COBL: variants seen among roughly 807,000 people sequenced by gnomAD.
COBL encodes the protein cordon-bleu WH2 repeat protein, also known as protein cordon-bleu.
In COBL, 51 loss-of-function variants were observed where a neutral mutation model predicts 98.8. That is an observed-to-expected ratio of 0.52 (90% CI 0.41 to 0.65). The LOEUF (loss-of-function observed/expected upper bound fraction) is 0.65, where lower values mean the gene tolerates loss of function less well. Among genes scored for constraint, COBL ranks in the 30% least tolerant of loss-of-function variants. COBL has a pLI of 0.00. For missense variants in COBL, 1,617 were observed against 1,617.5 expected, an observed-to-expected ratio of 1.00 and a Z score of 0.01; for synonymous variants, 634 against 651.7, an observed-to-expected ratio of 0.97 and a Z score of 0.41.
At chr7:51,084,263 C>T (rs1323226268) in intron 7 of COBL, among the ~76,000 whole-genome samples, 1 of 152,128 alleles carries the variant, frequency 6.6e-6, no homozygotes, top group African/African-American at 2.4e-5. Flanking sequence ...GACTTTCCCT[C>T]CTGCAGCTGC....
At position 51,026,654 on chromosome 7, in the gene COBL, G is replaced by A. The variant is rs1342837007; in HGVS notation, c.3396C>T (p.His1132=). ...GKDRLRKTAE[H]TGEGRPAKLS... is the part of the protein sequence containing the mutation. Reference sequence around the variant, plus strand: ...GTTTCGCTGGCCTGCCCTCCCCGGTGTGTTCTGCCGTCTAGAATATTAACA... The same window carrying A: ...GTTTCGCTGGCCTGCCCTCCCCGGTATGTTCTGCCGTCTAGAATATTAACA... Residue 1132 remains histidine (H), a synonymous_variant, in exon 11 of 13, where the codon CAC becomes CAT. Coordinates refer to ENST00000265136, the MANE Select transcript of COBL (RefSeq NM_015198.5). The A allele has an allele frequency of 1.9e-6, 3 of 1,613,882 alleles. No homozygotes were observed. Among genetic ancestry groups the A allele is most frequent in the Non-Finnish European group, 2.5e-6 (3 of 1,179,904 alleles).
chr7:51,064,801 C>A, intron 7 of COBL: 1 of 227,974 alleles, frequency 4.4e-6, no homozygotes, highest in Non-Finnish European at 8.5e-6. Flanking sequence ...GATGCTGCAG[C>A]TTATTCAAAC....
At chr7:51,246,959 C>CA (rs1194242468) in intron 1 of COBL, among the ~76,000 whole-genome samples, 1 of 152,254 alleles carries the variant, frequency 6.6e-6, no homozygotes, top group Non-Finnish European at 1.5e-5. Context: ...TAGAGCCCAG[C>CA]ACGCCCCAGT....
At chr7:51,158,384 G>A (rs1182625065) in intron 5 of COBL, among the ~76,000 whole-genome samples, 1 of 152,212 alleles carries the variant, frequency 6.6e-6, no homozygotes, top group Non-Finnish European at 1.5e-5. Context: ...CAGGGTCGGG[G>A]AGGAGCCTCC....
chr7:51,196,542 C>CTTTA lies in COBL; in HGVS notation c.246-2957_246-2954dup, dbSNP rs565080405. Among the ~76,000 whole-genome samples the CTTTA allele has an allele frequency of 4.1e-3, 627 of 151,938 alleles. 4 individuals carry two copies. The highest frequency in any genetic ancestry group is 0.014 in the African/African-American group (571 of 41,472). On this transcript the variant is annotated intron_variant, in intron 2 of 12. Transcript: ENST00000265136. ...AATGAGTTAGAGAGGAGTCCTTCCT[C>CTTTA]TTTATTTATTTATTTATTTATTTGG...
chr7:51,275,047 AG>A (rs1200549400), intron 1 of COBL, among the ~76,000 whole-genome samples: 1 of 152,222 alleles, frequency 6.6e-6, no homozygotes, highest in Non-Finnish European at 1.5e-5. Flanking sequence ...TCCATCTTCC[AG>A]GGAGACAGAG....
intron 7 of COBL, among the ~76,000 whole-genome samples, chr7:51,083,406 A>G (rs1318860939): frequency 2.0e-5 from 3 of 152,218 alleles, no homozygotes; most frequent in Non-Finnish European, 4.4e-5. Context: ...GGCACCAACC[A>G]CATCCAACCA....
At chr7:51,255,387 C>A (rs1310962649) in intron 1 of COBL, among the ~76,000 whole-genome samples, 1 of 152,176 alleles carries the variant, frequency 6.6e-6, no homozygotes. Context: ...CCTATATCTC[C>A]TCTTTATAAA....
chr7:51,224,282 A>G (rs1445019668), intron 1 of COBL, among the ~76,000 whole-genome samples: 2 of 152,212 alleles, frequency 1.3e-5, no homozygotes, highest in Non-Finnish European at 2.9e-5. Context: ...ATTGATGATG[A>G]TGATATTGAC....
intron 1 of COBL, among the ~76,000 whole-genome samples, chr7:51,288,264 T>A (rs1800556075): frequency 6.7e-6 from 1 of 149,630 alleles, no homozygotes; most frequent in Non-Finnish European, 1.5e-5. Flanking sequence ...TGAAACCTTG[T>A]CTCTACTAAA....
intron 5 of COBL, among the ~76,000 whole-genome samples, chr7:51,138,296 T>C (rs1190720894): frequency 1.3e-5 from 2 of 152,200 alleles, no homozygotes; most frequent in Non-Finnish European, 2.9e-5. Context: ...GCCATCATAG[T>C]CATTACTAAG....
chr7:51,220,999 T>C (rs1329108955), intron 1 of COBL, among the ~76,000 whole-genome samples: 1 of 152,212 alleles, frequency 6.6e-6, no homozygotes, highest in Non-Finnish European at 1.5e-5. Context: ...TTTATTGTCG[T>C]GGTAGCAGGT....
intron 8 of COBL, chr7:51,031,542 C>G (rs747955888): frequency 6.6e-6 from 1 of 152,492 alleles, no homozygotes; most frequent in Admixed American, 6.5e-5. Context: ...TTAGGAGGTC[C>G]GTGGGGAGGG....
chr7:51,021,886 T>G (rs1786973632), intron 12 of COBL, among the ~76,000 whole-genome samples: 1 of 152,204 alleles, frequency 6.6e-6, no homozygotes, highest in African/African-American at 2.4e-5. Context: ...CAGGGCAAAC[T>G]TCTAGGAAAT....
intron 8 of COBL, among the ~76,000 whole-genome samples, chr7:51,039,146 G>A (rs1170303606): frequency 6.6e-6 from 1 of 152,208 alleles, no homozygotes; most frequent in Non-Finnish European, 1.5e-5. Flanking sequence ...AGAGGAGCTT[G>A]AGGTGCCAAC....
intron 5 of COBL, among the ~76,000 whole-genome samples, chr7:51,179,153 G>A (rs1347281768): frequency 3.9e-5 from 6 of 152,120 alleles, no homozygotes; most frequent in Admixed American, 3.3e-4. Context: ...CTCCAAAAGC[G>A]GCATATTAGG....
At chr7:51,290,708 T>G (rs1338337179) in intron 1 of COBL, among the ~76,000 whole-genome samples, 1 of 152,060 alleles carries the variant, frequency 6.6e-6, no homozygotes. Context: ...AAGATTAAAC[T>G]GCTCAAATAA....
intron 1 of COBL, among the ~76,000 whole-genome samples, chr7:51,249,476 AT>A (rs1475024897): frequency 1.3e-5 from 2 of 152,160 alleles, no homozygotes; most frequent in Non-Finnish European, 2.9e-5. Flanking sequence ...GTCTTCCTAA[AT>A]CCTTCAAAGA....
At chr7:51,278,033 C>T (rs1223970708) in intron 1 of COBL, among the ~76,000 whole-genome samples, 1 of 152,178 alleles carries the variant, frequency 6.6e-6, no homozygotes. Context: ...AAATCAACAG[C>T]GGGCCCCTAG....
Sources: allele counts gnomAD v4.1 joint callset (sites outside exome capture counted in the v4.1 genomes callset), GRCh38; gene constraint gnomAD v4.1.1; transcripts MANE v1.5; gene names NCBI Gene and HGNC (gene_info 2026-07-23, HGNC 2026-07-21).